IFT80: variants seen among roughly 807,000 people sequenced by gnomAD.
The protein encoded by IFT80 is intraflagellar transport 80.
Under a neutral mutation model 107.9 loss-of-function variants are expected in IFT80, and 79 were observed. The ratio of observed to expected loss-of-function variants is 0.73; its 90% confidence interval spans 0.61 to 0.88. IFT80 has a LOEUF of 0.88. Ranked by LOEUF, IFT80 falls within the 40% of genes least tolerant of loss-of-function variation. The pLI, the probability that IFT80 is intolerant of heterozygous loss-of-function variation, is 0.00. For missense variants in IFT80, 797 were observed against 914.2 expected (o/e 0.87, Z 1.65); for synonymous variants, 299 against 300.9 (o/e 0.99, Z 0.07).
intron 9 of IFT80, among the ~76,000 whole-genome samples, chr3:160,316,754 C>T (rs1717851048): frequency 6.6e-6 from 1 of 151,990 alleles, no homozygotes; most frequent in African/African-American, 2.4e-5. Flanking sequence ...ATATGAAATC[C>T]AAGGCTGAGA....
chr3:160,345,352 A>G (rs1279894953), intron 8 of IFT80, among the ~76,000 whole-genome samples: 12 of 152,196 alleles, frequency 7.9e-5, no homozygotes, highest in Admixed American at 7.2e-4. Flanking sequence ...CAAATATTGC[A>G]TGTTCTCACT....
At chr3:160,291,925 G>T (rs747212269) in intron 12 of IFT80, among the ~76,000 whole-genome samples, 4 of 152,182 alleles carry the variant, frequency 2.6e-5, no homozygotes, top group Admixed American at 6.5e-5. Context: ...TGGACACTGG[G>T]GGCTGCAGCA....
chr3:160,266,424 G>A (rs1247460930), intron 19 of IFT80, among the ~76,000 whole-genome samples: 17 of 138,712 alleles, frequency 1.2e-4, no homozygotes, highest in Non-Finnish European at 1.5e-5. Context: ...ATCTCACTCT[G>A]TCACCTAGGC....
intron 8 of IFT80, among the ~76,000 whole-genome samples, chr3:160,338,993 T>A (rs1336535622): frequency 6.6e-6 from 1 of 152,166 alleles, no homozygotes; most frequent in East Asian, 1.9e-4. Flanking sequence ...GCAGTGTACA[T>A]CACGCAGAAG....
At chr3:160,350,553 A>C (rs1262068794) in intron 8 of IFT80, among the ~76,000 whole-genome samples, 3 of 152,202 alleles carry the variant, frequency 2.0e-5, no homozygotes, top group African/African-American at 7.2e-5. Flanking sequence ...ACGGTGGCTC[A>C]TGCCTGTAAT....
At chr3:160,390,155 T>C (rs1218412732) in intron 1 of IFT80, among the ~76,000 whole-genome samples, 1 of 152,084 alleles carries the variant, frequency 6.6e-6, no homozygotes, top group Non-Finnish European at 1.5e-5. Context: ...TGGTGGCTCA[T>C]GCCTGTAATC....
At chr3:160,264,976 G>A (rs981325079) in intron 19 of IFT80, among the ~76,000 whole-genome samples, 1 of 152,042 alleles carries the variant, frequency 6.6e-6, no homozygotes, top group African/African-American at 2.4e-5. Context: ...CTCTTTGCTA[G>A]AACAGTCTCT....
At chr3:160,261,892 G>T (rs573008077) in intron 19 of IFT80, among the ~76,000 whole-genome samples, 1 of 151,708 alleles carries the variant, frequency 6.6e-6, no homozygotes, top group Non-Finnish European at 1.5e-5. Flanking sequence ...AGAAGTACAC[G>T]GACGGCCCTG....
At chr3:160,283,831 C>T (rs1016278702) in intron 13 of IFT80, among the ~76,000 whole-genome samples, 1 of 152,174 alleles carries the variant, frequency 6.6e-6, no homozygotes, top group Non-Finnish European at 1.5e-5. Flanking sequence ...AGCAGGGCTT[C>T]CCCCATTTTC....
chr3:160,262,038 T>C (rs1301327266), intron 19 of IFT80, among the ~76,000 whole-genome samples: 1 of 152,166 alleles, frequency 6.6e-6, no homozygotes, highest in East Asian at 1.9e-4. Flanking sequence ...TTTTTCCCTA[T>C]ATTCTGCTCC....
intron 8 of IFT80, 155 bp from the exon 9 acceptor site, chr3:160,320,094 G>T (rs1718097993): frequency 1.6e-6 from 1 of 613,120 alleles, no homozygotes; most frequent in African/African-American, 1.8e-5. Flanking sequence ...TGTACTGAAT[G>T]GAAAATACAG....
intron 5 of IFT80, 147 bp downstream of exon 5, chr3:160,375,665 A>G (rs759858885): frequency 6.2e-5 from 39 of 625,156 alleles, no homozygotes; most frequent in Admixed American, 8.7e-5. Context: ...AAGAAAGACA[A>G]AACAGTGTAA....
At chr3:160,357,400 A>G (rs1425532350) in intron 7 of IFT80, 89 bp downstream of exon 7, 2 of 738,328 alleles carry the variant, frequency 2.7e-6, no homozygotes, top group African/African-American at 3.6e-5. Flanking sequence ...AGACATGGCT[A>G]AAGTAAAAAA....
chr3:160,287,571 A>C (rs1240050984), intron 12 of IFT80, among the ~76,000 whole-genome samples: 1 of 152,244 alleles, frequency 6.6e-6, no homozygotes, highest in African/African-American at 2.4e-5. Context: ...CTCCATGGCC[A>C]TGGGGTCACC....
chr3:160,310,523 A>C (rs1323179724), intron 9 of IFT80, among the ~76,000 whole-genome samples: 1 of 152,236 alleles, frequency 6.6e-6, no homozygotes, highest in Non-Finnish European at 1.5e-5. Context: ...CTTTTATAGG[A>C]GAATTCTAGC....
Position 160,258,668 on chromosome 3 carries a change from T to C in IFT80, c.2224-33A>G, listed in dbSNP as rs764146370. On this transcript the variant is annotated intron_variant, in intron 19 of 19. Transcript: ENST00000326448. ...AGAAAAAAAAAAGAAGAAATATGCT[T>C]AGATAGTGTAAGACATTTTTGTTTA... The C allele has an allele frequency of 1.4e-5, 22 of 1,604,506 alleles. No homozygotes were observed. The Admixed American group carries it at 3.7e-4, about 27-fold the overall frequency.
chr3:160,297,555 G>A (rs1178400784), intron 12 of IFT80, among the ~76,000 whole-genome samples: 1 of 151,652 alleles, frequency 6.6e-6, no homozygotes, highest in Non-Finnish European at 1.5e-5. Context: ...TAAGTTGGAG[G>A]TCACCGCTAT....
At chr3:160,346,686 T>A (rs1720318488) in intron 8 of IFT80, among the ~76,000 whole-genome samples, 1 of 151,910 alleles carries the variant, frequency 6.6e-6, no homozygotes, top group South Asian at 2.1e-4. Context: ...TTGTGTGTGG[T>A]CACTGAAGTC....
intron 1 of IFT80, among the ~76,000 whole-genome samples, chr3:160,394,541 A>C (rs1297898703): frequency 6.6e-6 from 1 of 152,106 alleles, no homozygotes; most frequent in Non-Finnish European, 1.5e-5. Context: ...TTGAAATTCT[A>C]GCTATGATTA....
Sources: gnomAD v4.1 joint callset for allele counts (sites outside exome capture counted in the v4.1 genomes callset) on GRCh38, gnomAD v4.1.1 for gene constraint, MANE v1.5 for transcripts, NCBI Gene and HGNC (gene_info 2026-07-23, HGNC 2026-07-21) for gene names.